EXOC4: variants seen among roughly 807,000 people sequenced by gnomAD.
EXOC4 encodes SEC8-like 1.
Under a neutral mutation model 107.2 loss-of-function variants are expected in EXOC4, and 71 were observed. The ratio of observed to expected loss-of-function variants is 0.66; its 90% CI spans 0.55 to 0.81. The LOEUF (loss-of-function observed/expected upper bound fraction) is 0.81, where lower values mean the gene tolerates loss of function less well. Ranked by LOEUF, EXOC4 falls within the 30% of genes least tolerant of loss-of-function variation. The pLI, the probability that EXOC4 is intolerant of heterozygous loss-of-function variation, is 0.00. For missense variants in EXOC4, 1,108 were observed against 1,189.6 expected (o/e 0.93, Z 1.01); for synonymous variants, 456 against 441.2 (o/e 1.03, Z -0.42).
intron 12 of EXOC4, among the ~76,000 whole-genome samples, chr7:133,916,675 C>T (rs776747091): frequency 2.0e-5 from 3 of 152,126 alleles, no homozygotes; most frequent in Non-Finnish European, 2.9e-5. Flanking sequence ...ATAATGCCCC[C>T]CAGAGTGACC....
intron 17 of EXOC4, 75 bp from the exon 18 acceptor site, chr7:134,064,216 G>A: frequency 1.1e-6 from 1 of 937,834 alleles, no homozygotes; most frequent in Non-Finnish European, 1.6e-6. Context: ...TCAATGTATA[G>A]ACAGCGTATT....
chr7:134,011,507 T>A (rs1585320276), intron 17 of EXOC4, among the ~76,000 whole-genome samples: 1 of 151,742 alleles, frequency 6.6e-6, no homozygotes, highest in Non-Finnish European at 1.5e-5. Context: ...CTGATTTTGG[T>A]TTTTTTTGGA....
chr7:133,281,358 C>T (rs1794135345), intron 2 of EXOC4, among the ~76,000 whole-genome samples: 1 of 147,344 alleles, frequency 6.8e-6, no homozygotes, highest in East Asian at 2.0e-4. Context: ...CATTAAAAGT[C>T]CAGAAAAAAA....
At chr7:133,876,881 A>G (rs1585216323) in intron 11 of EXOC4, among the ~76,000 whole-genome samples, 2 of 151,738 alleles carry the variant, frequency 1.3e-5, no homozygotes, top group South Asian at 4.2e-4. Context: ...ATTTTCAGCA[A>G]TTCGATTATT....
chr7:133,896,184 T>C (rs1404710778), intron 12 of EXOC4, among the ~76,000 whole-genome samples: 2 of 152,192 alleles, frequency 1.3e-5, no homozygotes, highest in South Asian at 2.1e-4. Context: ...AAAAGAACAG[T>C]TACCCCTGTT....
At chr7:133,917,177 T>C (rs774296820) in intron 12 of EXOC4, among the ~76,000 whole-genome samples, 3 of 152,224 alleles carry the variant, frequency 2.0e-5, no homozygotes. Flanking sequence ...TACAACCTTT[T>C]GTAACACTTC....
intron 14 of EXOC4, among the ~76,000 whole-genome samples, chr7:133,989,070 G>T (rs1339938485): frequency 2.0e-5 from 3 of 152,062 alleles, no homozygotes; most frequent in Non-Finnish European, 4.4e-5. Flanking sequence ...AAGAGATGGG[G>T]TCCAAACCAA....
At chr7:133,965,435 TTTCTTC>T (rs1299703540) in intron 14 of EXOC4, among the ~76,000 whole-genome samples, 2 of 152,200 alleles carry the variant, frequency 1.3e-5, no homozygotes, top group African/African-American at 2.4e-5. Flanking sequence ...TTGCCTAGGT[TTTCTTC>T]TAGGGTTTTT....
intron 7 of EXOC4, among the ~76,000 whole-genome samples, chr7:133,379,386 T>C (rs1796563516): frequency 6.6e-6 from 1 of 152,100 alleles, no homozygotes; most frequent in Non-Finnish European, 1.5e-5. Context: ...CCCCTTTTAA[T>C]ACAAGTTTGT....
At chr7:133,339,042 G>T (rs1795597413) in intron 5 of EXOC4, among the ~76,000 whole-genome samples, 1 of 152,120 alleles carries the variant, frequency 6.6e-6, no homozygotes, top group South Asian at 2.1e-4. Flanking sequence ...GTGAGCCACT[G>T]TGCCCAGCCC....
intron 9 of EXOC4, among the ~76,000 whole-genome samples, chr7:133,569,410 T>C (rs1800972758): frequency 1.3e-5 from 2 of 152,124 alleles, no homozygotes; most frequent in Admixed American, 1.3e-4. Context: ...GAAAGTAAGA[T>C]AAAATGTGTA....
intron 9 of EXOC4, chr7:133,576,908 C>T: frequency 7.8e-7 from 1 of 1,276,090 alleles, no homozygotes; most frequent in Non-Finnish European, 1.0e-6. Context: ...CTTGTTTGTT[C>T]TTGCTTTCCA....
chr7:133,671,293 G>A (rs1295288417), intron 10 of EXOC4, among the ~76,000 whole-genome samples: 3 of 152,188 alleles, frequency 2.0e-5, no homozygotes, highest in Non-Finnish European at 4.4e-5. Context: ...GCCAGGCACG[G>A]TGGCTCATGT....
At chr7:134,000,554 G>A (rs1194782628) in intron 15 of EXOC4, among the ~76,000 whole-genome samples, 1 of 152,074 alleles carries the variant, frequency 6.6e-6, no homozygotes, top group Non-Finnish European at 1.5e-5. Flanking sequence ...AACAAAACCT[G>A]TTGTCTTTAA....
chr7:133,307,614 C>T lies in EXOC4; in HGVS notation c.656+1553C>T, dbSNP rs140847915. Among the ~76,000 whole-genome samples, 893 of 152,288 alleles carry T rather than the reference C, an allele frequency of 5.9e-3. 10 individuals carry two copies. The highest frequency in any genetic ancestry group is 0.018 in the African/African-American group (741 of 41,550). On this transcript the variant is annotated intron_variant, in intron 4 of 17. Coordinates refer to ENST00000253861, the MANE Select transcript of EXOC4 (RefSeq NM_021807.4). Reference sequence around the variant, plus strand: ...GGTTTCTCAAAAAATACAAGAAACACGATGTAGTAGATTATTCAGAATAAT... The same window carrying T: ...GGTTTCTCAAAAAATACAAGAAACATGATGTAGTAGATTATTCAGAATAAT...
chr7:133,387,814 T>C (rs954950907), intron 7 of EXOC4, among the ~76,000 whole-genome samples: 1 of 152,178 alleles, frequency 6.6e-6, no homozygotes, highest in Non-Finnish European at 1.5e-5. Flanking sequence ...ATGTTCAGTC[T>C]GAACACAAGT....
chr7:133,847,627 A>G (rs1477352596), intron 11 of EXOC4, among the ~76,000 whole-genome samples: 1 of 142,190 alleles, frequency 7.0e-6, no homozygotes, highest in Admixed American at 7.3e-5. Flanking sequence ...TCAGGTTATC[A>G]GCCCACCTCG....
chr7:133,446,999 T>C (rs183503608), intron 7 of EXOC4, among the ~76,000 whole-genome samples: 2 of 152,346 alleles, frequency 1.3e-5, no homozygotes, highest in South Asian at 2.1e-4. Context: ...CAGATGTTTC[T>C]ATAAACCTTT....
At chr7:133,515,911 GTA>G (rs1160931387) in intron 9 of EXOC4, among the ~76,000 whole-genome samples, 1 of 152,146 alleles carries the variant, frequency 6.6e-6, no homozygotes, top group African/African-American at 2.4e-5. Flanking sequence ...GTGTACAAAT[GTA>G]TTGAAGAGCT....
Sources: allele counts gnomAD v4.1 joint callset (sites outside exome capture counted in the v4.1 genomes callset), GRCh38; gene constraint gnomAD v4.1.1; transcripts MANE v1.5; gene names NCBI Gene and HGNC (gene_info 2026-07-23, HGNC 2026-07-21).